The following EPB41L2 variants were observed in gnomAD, a reference collection of about 807,000 sequenced individuals.
EPB41L2 encodes band 4.1-like protein 2.
A neutral mutation model predicts 113.0 loss-of-function variants in EPB41L2; 43 were observed. That is an observed-to-expected ratio of 0.38 (90% CI 0.30 to 0.49). The LOEUF (loss-of-function observed/expected upper bound fraction) is 0.49. EPB41L2 is among the 20% of genes least tolerant of loss of function. EPB41L2 has a pLI of 0.95. For missense variants in EPB41L2, 1,147 were observed against 1,223.4 expected, an observed-to-expected ratio of 0.94 and a Z score of 0.93; for synonymous variants, 442 against 436.7, an observed-to-expected ratio of 1.01 and a Z score of -0.15.
intron 1 of EPB41L2, among the ~76,000 whole-genome samples, chr6:130,994,058 C>A (rs914061416): frequency 6.6e-6 from 1 of 152,162 alleles, no homozygotes; most frequent in Admixed American, 6.5e-5. Context: ...ATGGTACACA[C>A]ATTCACAAAT....
chr6:130,901,975 C>A lies in EPB41L2; in HGVS notation c.930-795G>T, dbSNP rs191448334. Among the ~76,000 whole-genome samples, 219 of 152,330 alleles carry A rather than the reference C, an allele frequency of 1.4e-3. 2 individuals carry two copies. The highest frequency in any genetic ancestry group is 5.0e-3 in the African/African-American group (207 of 41,564). Reference sequence around the variant, plus strand: ...GCTCACTACGGTTATAAAAGAATTTCCGTTTTCCATGAAATAAAATGCAGA... The same window carrying A: ...GCTCACTACGGTTATAAAAGAATTTACGTTTTCCATGAAATAAAATGCAGA... On this transcript the variant is annotated intron_variant, in intron 6 of 19. Coordinates refer to ENST00000337057, the MANE Select transcript of EPB41L2 (RefSeq NM_001431.4).
chr6:130,958,465 C>T (rs978477002), intron 1 of EPB41L2, among the ~76,000 whole-genome samples: 1 of 43,428 alleles, frequency 2.3e-5, no homozygotes, highest in Non-Finnish European at 5.2e-5. Context: ...ACAACAACAA[C>T]AACAAAAAAA....
chr6:130,877,973 G>A, intron 14 of EPB41L2, 131 bp downstream of exon 14: 1 of 881,660 alleles, frequency 1.1e-6, no homozygotes, highest in East Asian at 3.2e-5. Flanking sequence ...TTACAAAATT[G>A]TTAGTAATTA....
At chr6:130,994,476 C>A (rs1409191937) in intron 1 of EPB41L2, among the ~76,000 whole-genome samples, 3 of 152,110 alleles carry the variant, frequency 2.0e-5, no homozygotes, top group Non-Finnish European at 4.4e-5. Flanking sequence ...AGAAATGGAA[C>A]CAGAGGAATG....
intron 1 of EPB41L2, among the ~76,000 whole-genome samples, chr6:131,006,842 T>A (rs1785677065): frequency 6.6e-6 from 1 of 152,066 alleles, no homozygotes; most frequent in Non-Finnish European, 1.5e-5. Context: ...TCTTTCCAGC[T>A]CAATCCCTCT....
chr6:130,867,299 A>G (rs1202890266), intron 16 of EPB41L2, among the ~76,000 whole-genome samples, 160 bp downstream of exon 16: 1 of 152,226 alleles, frequency 6.6e-6, no homozygotes, highest in Non-Finnish European at 1.5e-5. Context: ...TCAATCTAAG[A>G]GAACATAGCA....
intron 1 of EPB41L2, among the ~76,000 whole-genome samples, chr6:130,997,493 C>T (rs1783411887): frequency 6.6e-6 from 1 of 152,142 alleles, no homozygotes; most frequent in Non-Finnish European, 1.5e-5. Context: ...GATCAGGGAA[C>T]ACATATCTAC....
intron 19 of EPB41L2, among the ~76,000 whole-genome samples, chr6:130,848,393 A>G (rs980716915): frequency 2.0e-5 from 3 of 152,240 alleles, no homozygotes; most frequent in African/African-American, 4.8e-5. Flanking sequence ...CCACATTTCA[A>G]AAAATAAAAA....
At position 130,867,469 on chromosome 6, in the gene EPB41L2, T is replaced by C. The variant is rs1375943439; in HGVS notation, c.2720A>G (p.Glu907Gly). Reference protein sequence around the residue: ...VQTETKTITYESPQIDGGAGG... With the variant: ...VQTETKTITYGSPQIDGGAGG... ...CTAGAGCTTTTGTACCTGTGGAGAC[T>C]CATATGTGATGGTTTTGGTCTCAGT... Residue 907 changes from glutamate (E) to glycine (G), a missense_variant, in exon 16 of 20, where the codon GAG becomes GGG. By Grantham distance (98) the Glu-to-Gly change is moderately conservative (BLOSUM62 -2). Transcript: ENST00000337057. 6.2e-7 allele frequency: 1 copy of C among 1,613,974 alleles called. No homozygotes were observed. Among genetic ancestry groups the C allele is most frequent in the Non-Finnish European group, 8.5e-7 (1 of 1,179,874 alleles).
intron 12 of EPB41L2, chr6:130,881,879 T>C (rs2128467338): frequency 6.6e-6 from 1 of 152,246 alleles, no homozygotes; most frequent in Non-Finnish European, 1.5e-5. Context: ...AATTACATAA[T>C]TTAAGGTTAG....
rs147623403 is a variant in EPB41L2 at position 130,927,830 on chromosome 6, C to T, written c.706-1121G>A. ...GTGTAAGGCCTGGCATGGTAGCTCA[C>T]GCCTGTAATCCCAGCACTTTGGGAG... On this transcript the variant is annotated intron_variant, in intron 3 of 19. Coordinates refer to ENST00000337057, the MANE Select transcript of EPB41L2 (RefSeq NM_001431.4). 7.4e-3 allele frequency among the ~76,000 whole-genome samples: 1,131 copies of T among 152,278 alleles called. 10 individuals are homozygous for T. Among genetic ancestry groups the T allele is most frequent in the Non-Finnish European group, 9.9e-3 (672 of 68,024 alleles).
Position 130,937,196 on chromosome 6 carries a change from T to C in EPB41L2, c.706-10487A>G, listed in dbSNP as rs1809103262. Among the ~76,000 whole-genome samples the C allele has an allele frequency of 2.0e-5, 3 of 152,232 alleles. No homozygotes were observed. In the South Asian group the frequency reaches 6.2e-4, roughly 32 times the overall value. ...TTCACTCTTGGTGTCCTGCATTCTA[T>C]GTGTTTGGACAAATGTACAATGACA... On this transcript the variant is annotated intron_variant, in intron 3 of 19. Transcript: ENST00000337057.
Position 130,869,499 on chromosome 6 carries a change from G to T in EPB41L2, c.2607+64C>A. On this transcript the variant is annotated intron_variant, in intron 15 of 19. Coordinates refer to ENST00000337057, the MANE Select transcript of EPB41L2 (RefSeq NM_001431.4). The stretch of plus-strand genomic sequence containing the variant: ...AGAACTGGGAGGACAGGAGAAGAAA[G>T]GCAGGAGTTCCCCATCTGAGAAGCA... 2.8e-6 allele frequency: 4 copies of T among 1,432,758 alleles called. No individual in the cohort carries two copies. The South Asian group carries it at 3.9e-5, about 14-fold the overall frequency. The allele number at this position is 1,432,758 out of a possible 1,614,324, so 88.8% of individuals were successfully genotyped here. A position where few individuals can be genotyped will look rare whatever the true frequency, so the allele number is the denominator to read the frequency against.
chr6:130,923,423 G>A lies in EPB41L2; in HGVS notation c.810+3182C>T, dbSNP rs192805138. Among the ~76,000 whole-genome samples, 2 of 152,258 alleles carry A rather than the reference G, an allele frequency of 1.3e-5. 1 individual carries two copies. Among genetic ancestry groups the A allele is most frequent in the East Asian group, 3.9e-4 (2 of 5,170 alleles). On this transcript the variant is annotated intron_variant, in intron 4 of 19. Coordinates refer to ENST00000337057, the MANE Select transcript of EPB41L2 (RefSeq NM_001431.4). ...AGCCTTAAGTGGCCCTGCATGATCTGAGCCTTGTTAACACCCAGTCTTTCC... is the reference window on the plus strand; with the variant it reads ...AGCCTTAAGTGGCCCTGCATGATCTAAGCCTTGTTAACACCCAGTCTTTCC...
intron 1 of EPB41L2, among the ~76,000 whole-genome samples, chr6:130,973,320 C>T (rs73621566): frequency 0.034 from 5,140 of 151,712 alleles, 261 homozygotes; most frequent in African/African-American, 0.11. Context: ...AATTTTACTA[C>T]CCATCATAAA....
rs188052754 is a variant in EPB41L2, at chr6:130,960,650, G to A, written c.-14-4151C>T. 3.3e-5 allele frequency among the ~76,000 whole-genome samples: 5 copies of A among 152,282 alleles called. No homozygotes were observed. The East Asian group carries it at 9.6e-4, about 29-fold the overall frequency. Reference sequence around the variant, plus strand: ...CATTACTCAACATATTCTTGAAACAGTTTCAAGAGTTCAACAGAGCTCAAA... The same window carrying A: ...CATTACTCAACATATTCTTGAAACAATTTCAAGAGTTCAACAGAGCTCAAA... On this transcript the variant is annotated intron_variant, in intron 1 of 19. Coordinates refer to ENST00000337057, the MANE Select transcript of EPB41L2 (RefSeq NM_001431.4).
At chr6:131,008,570 G>A (rs1786159335) in intron 1 of EPB41L2, among the ~76,000 whole-genome samples, 1 of 152,206 alleles carries the variant, frequency 6.6e-6, no homozygotes, top group Non-Finnish European at 1.5e-5. Context: ...CAGAACGGTA[G>A]ATTCACCAAC....
chr6:131,006,847 C>T lies in EPB41L2; in HGVS notation c.-14-50348G>A, dbSNP rs747399206. Among the ~76,000 whole-genome samples the T allele has an allele frequency of 3.5e-4, 53 of 152,022 alleles. 1 individual carries two copies. Among genetic ancestry groups the T allele is most frequent in the Non-Finnish European group, 7.1e-4 (48 of 68,002 alleles). On this transcript the variant is annotated intron_variant, in intron 1 of 19. Coordinates refer to ENST00000337057, the MANE Select transcript of EPB41L2 (RefSeq NM_001431.4). Reference sequence around the variant, plus strand: ...TGAATATCTATCTTTCCAGCTCAATCCCTCTTCTCCAACAATTCTCTAACC... The same window carrying T: ...TGAATATCTATCTTTCCAGCTCAATTCCTCTTCTCCAACAATTCTCTAACC...
At chr6:131,028,060 T>C (rs960022016) in intron 1 of EPB41L2, among the ~76,000 whole-genome samples, 1 of 152,204 alleles carries the variant, frequency 6.6e-6, no homozygotes, top group African/African-American at 2.4e-5. Flanking sequence ...TTAGCAGTTA[T>C]AATACATGAA....
Sources: gnomAD v4.1 joint callset for allele counts (sites outside exome capture counted in the v4.1 genomes callset) on GRCh38, gnomAD v4.1.1 for gene constraint, MANE v1.5 for transcripts, NCBI Gene and HGNC (gene_info 2026-07-23, HGNC 2026-07-21) for gene names.